The following RIPOR3 variants were observed in gnomAD, a reference collection of about 807,000 sequenced individuals.
RIPOR3 encodes family with sequence similarity 65 member C.
In RIPOR3, 95 loss-of-function variants were observed where a neutral mutation model predicts 114.3. The observed-to-expected ratio is 0.83, with a 90% confidence interval of 0.70 to 0.99. The LOEUF (loss-of-function observed/expected upper bound fraction) is 0.99. Among genes scored for constraint, RIPOR3 ranks in the 50% least tolerant of loss-of-function variants. RIPOR3 has a pLI of 0.00. For missense variants in RIPOR3, 1,252 were observed against 1,266.9 expected (o/e 0.99, Z 0.18); for synonymous variants, 575 against 543.8 (o/e 1.06, Z -0.80).
At chr20:50,651,566 T>C (rs2085613310) in intron 1 of RIPOR3, among the ~76,000 whole-genome samples, 1 of 152,232 alleles carries the variant, frequency 6.6e-6, no homozygotes, top group South Asian at 2.1e-4. Context: ...ACAAGGGCTC[T>C]GGAGTCAGAT....
At chr20:50,595,121 G>C in intron 16 of RIPOR3, 1 of 552,978 alleles carries the variant, frequency 1.8e-6, no homozygotes, top group Non-Finnish European at 3.2e-6. Context: ...TAGGGAAGCA[G>C]AGGCTCAGAG....
intron 1 of RIPOR3, among the ~76,000 whole-genome samples, chr20:50,647,478 C>CTTTTTTT (rs942940961): frequency 1.2e-4 from 12 of 100,350 alleles, no homozygotes; most frequent in Non-Finnish European, 1.8e-4. Flanking sequence ...GCCTCATTCT[C>CTTTTTTT]TTTTTTTTTT....
In RIPOR3 at chr20:50,592,555, C is replaced by T. The variant is rs561766573; in HGVS notation, c.2375-9G>A. 1.3e-6 allele frequency: 2 copies of T among 1,510,922 alleles called. No individual in the cohort carries two copies. The highest frequency in any genetic ancestry group is 2.6e-5 in the South Asian group (2 of 76,560). 93.6% of individuals were successfully genotyped at this position (1,510,922 alleles called of 1,614,324 possible). A position where few individuals can be genotyped will look rare whatever the true frequency, so the allele number is the denominator to read the frequency against. Reference sequence around the variant, plus strand: ...CTCCTCGATGAGTGTCACTAGAAGACAGGAAAGAGGTGGGCCCAGGTCCCC... The same window carrying T: ...CTCCTCGATGAGTGTCACTAGAAGATAGGAAAGAGGTGGGCCCAGGTCCCC... On this transcript the variant is annotated splice_polypyrimidine_tract_variant and intron_variant, in intron 18 of 21. Transcript: ENST00000327979.
At chr20:50,632,430 T>G (rs1339325832) in intron 1 of RIPOR3, among the ~76,000 whole-genome samples, 2 of 152,186 alleles carry the variant, frequency 1.3e-5, no homozygotes, top group Non-Finnish European at 2.9e-5. Flanking sequence ...ACCCCAGCTC[T>G]GCAGGTGAGC....
chr20:50,650,335 A>G (rs1454510126), intron 1 of RIPOR3, among the ~76,000 whole-genome samples: 3 of 152,016 alleles, frequency 2.0e-5, no homozygotes, highest in Non-Finnish European at 2.9e-5. Flanking sequence ...GGCATCTCAC[A>G]CAGTGTTGCC....
chr20:50,689,755 C>G (rs986438811), intron 1 of RIPOR3, among the ~76,000 whole-genome samples: 2 of 152,048 alleles, frequency 1.3e-5, no homozygotes, highest in African/African-American at 4.8e-5. Flanking sequence ...AAGTTGCTCC[C>G]AGATCTGAGA....
At position 50,619,994 on chromosome 20, in the gene RIPOR3, T is replaced by G; in HGVS notation, c.261A>C (p.Arg87Ser). The G allele has an allele frequency of 6.2e-7, 1 of 1,611,874 alleles. No individual in the cohort carries two copies. The highest frequency in any genetic ancestry group is 8.5e-7 in the Non-Finnish European group (1 of 1,178,116). Residue 87 changes from arginine to serine, a missense_variant, in exon 3 of 22, where the codon AGA becomes AGC. Transcript: ENST00000327979. ...ACACAGCCCAGCCTTACTTGAGGCC[T>G]CTTTTCAATGCTTCGAAGATCTTCT... ...QVKKIFEALK[R>S]GLKEYLCVQQ...
intron 20 of RIPOR3, among the ~76,000 whole-genome samples, chr20:50,589,011 G>C (rs2083019402): frequency 6.9e-6 from 1 of 145,742 alleles, no homozygotes; most frequent in Non-Finnish European, 1.5e-5. Context: ...GAACCCAGAA[G>C]GCAGAGCTTG....
intron 1 of RIPOR3, among the ~76,000 whole-genome samples, chr20:50,681,123 C>G (rs11700028): frequency 1.3e-5 from 2 of 148,588 alleles, no homozygotes; most frequent in African/African-American, 4.9e-5. Context: ...ACTTGGGAGG[C>G]TGAGATGGGA....
At chr20:50,599,004 G>A (rs940784169) in intron 13 of RIPOR3, among the ~76,000 whole-genome samples, 1 of 149,880 alleles carries the variant, frequency 6.7e-6, no homozygotes, top group Admixed American at 6.6e-5. Context: ...GAGTTACTGG[G>A]TTAGGTTCCT....
In RIPOR3 at chr20:50,590,906, C is replaced by G. The variant is rs574423763; in HGVS notation, c.2578-1137G>C. Among the ~76,000 whole-genome samples the G allele has an allele frequency of 2.0e-5, 3 of 152,010 alleles. No individual in the cohort carries two copies. The East Asian group carries it at 5.8e-4, about 29-fold the overall frequency. ...CTCGGCTCCCTGCAGCCTCTGCTTC[C>G]CATGGAGGCCTTGTTTATATACCCC... On this transcript the variant is annotated intron_variant, in intron 19 of 21. Coordinates refer to ENST00000327979, the MANE Select transcript of RIPOR3 (RefSeq NM_001290268.2).
chr20:50,645,420 C>G (rs965637147), intron 1 of RIPOR3: 1 of 152,318 alleles, frequency 6.6e-6, no homozygotes, highest in African/African-American at 2.4e-5. Flanking sequence ...CTCTCCCACT[C>G]CACCCAACAC....
At chr20:50,663,589 A>G (rs1489399357) in intron 1 of RIPOR3, among the ~76,000 whole-genome samples, 1 of 152,188 alleles carries the variant, frequency 6.6e-6, no homozygotes, top group Non-Finnish European at 1.5e-5. Flanking sequence ...GATGAAGTTC[A>G]TATCACAAGA....
chr20:50,614,963 A>C (rs956034319), intron 4 of RIPOR3, among the ~76,000 whole-genome samples: 10 of 152,276 alleles, frequency 6.6e-5, no homozygotes, highest in Non-Finnish European at 2.9e-5. Flanking sequence ...AGGCTGAGGC[A>C]GGACAATCGC....
chr20:50,690,730 C>A (rs549722581), intron 1 of RIPOR3, among the ~76,000 whole-genome samples: 1 of 152,286 alleles, frequency 6.6e-6, no homozygotes, highest in East Asian at 1.9e-4. Flanking sequence ...GCTGTTTCCT[C>A]AGGGTACAAT....
At position 50,592,389 on chromosome 20, in the gene RIPOR3, G is replaced by T. The variant is rs764681119; in HGVS notation, c.2532C>A (p.Ser844Arg). The change falls in exon 19 of 22, where the codon AGC becomes AGA. Residue 844 changes from serine (S) to arginine (R), a missense_variant. Ser to Arg is a moderately radical substitution (Grantham distance 110). Transcript: ENST00000327979. ...TCCTGACTGCACCAGCCAGGCGAGC[G>T]CTGGCCGCCCTGCACACCCTCGGAG... ...DGTPRVCRAA[S>R]ARLAGAVRNR... 6.2e-7 allele frequency: 1 copy of T among 1,605,522 alleles called. No homozygotes were observed. The highest frequency in any genetic ancestry group is 8.5e-7 in the Non-Finnish European group (1 of 1,174,128).
In RIPOR3 at chr20:50,620,077, T is replaced by A; in HGVS notation, c.178A>T (p.Met60Leu). The A allele has an allele frequency of 6.2e-7, 1 of 1,614,128 alleles. No homozygotes were observed. ...RSRMPAKSSK[M>L]YGTLRKGSVC... ...GACCCCTTCCGCAGCGTGCCGTACA[T>A]CTTGGAGGATTTTGCAGGCATTCGC... Residue 60 changes from methionine to leucine, a missense_variant, in exon 3 of 22, where the codon ATG (methionine) becomes TTG (leucine). Physicochemically the swap from Met to Leu is conservative, Grantham distance 15. Coordinates refer to ENST00000327979, the MANE Select transcript of RIPOR3 (RefSeq NM_001290268.2).
chr20:50,621,004 C>T (rs547292105), intron 2 of RIPOR3: 26 of 505,890 alleles, frequency 5.1e-5, no homozygotes, highest in East Asian at 1.4e-4. Flanking sequence ...CACACATCCA[C>T]GCCAAGAGGA....
intron 1 of RIPOR3, among the ~76,000 whole-genome samples, chr20:50,656,997 T>C (rs904420096): frequency 6.6e-6 from 1 of 152,228 alleles, no homozygotes; most frequent in African/African-American, 2.4e-5. Flanking sequence ...GAAGTTAAAT[T>C]GTTGGTCAAA....
Sources: allele counts gnomAD v4.1 joint callset (sites outside exome capture counted in the v4.1 genomes callset), GRCh38; gene constraint gnomAD v4.1.1; transcripts MANE v1.5; gene names NCBI Gene and HGNC (gene_info 2026-07-23, HGNC 2026-07-21).